Variants in SCAF11 observed in about 807,000 individuals in gnomAD.
SCAF11 encodes the protein protein SCAF11.
Under a neutral mutation model 140.5 loss-of-function variants are expected in SCAF11, and 47 were observed. The observed-to-expected ratio is 0.33, with a 90% CI of 0.26 to 0.43. The LOEUF (loss-of-function observed/expected upper bound fraction) is 0.43. Ranked by LOEUF, SCAF11 falls within the 20% of genes least tolerant of loss-of-function variation. The probability of loss-of-function intolerance (pLI) is 1.00; values close to 1 mark genes in which losing one functional copy is unlikely to be tolerated. For synonymous variants in SCAF11, 557 were observed against 579.4 expected, an observed-to-expected ratio of 0.96 and a Z score of 0.55; for missense variants, 1,645 against 1,705.1, an observed-to-expected ratio of 0.96 and a Z score of 0.62.
At chr12:45,946,525 A>T (rs1027750384) in intron 5 of SCAF11, among the ~76,000 whole-genome samples, 2 of 152,216 alleles carry the variant, frequency 1.3e-5, no homozygotes, top group Admixed American at 6.5e-5. Flanking sequence ...GCAGTTAAAT[A>T]TGGGGACGAC....
intron 1 of SCAF11, among the ~76,000 whole-genome samples, chr12:45,968,084 A>G (rs960575219): frequency 5.3e-5 from 8 of 152,144 alleles, no homozygotes; most frequent in African/African-American, 1.9e-4. Context: ...GATATATCTC[A>G]ATTTTGTGTT....
chr12:45,922,654 T>C, intron 13 of SCAF11, 72 bp from the exon 14 acceptor site: 1 of 1,400,754 alleles, frequency 7.1e-7, no homozygotes, highest in South Asian at 1.4e-5. Context: ...AACAAGAAAT[T>C]GAAAATACTT....
At chr12:45,942,170 T>C (rs959304692) in intron 6 of SCAF11, among the ~76,000 whole-genome samples, 3 of 152,238 alleles carry the variant, frequency 2.0e-5, no homozygotes, top group African/African-American at 4.8e-5. Context: ...AGGAGGCTAT[T>C]AGTAGTCAAG....
chr12:45,983,902 T>C (rs900779081), intron 1 of SCAF11, among the ~76,000 whole-genome samples: 4 of 152,208 alleles, frequency 2.6e-5, no homozygotes, highest in African/African-American at 9.6e-5. Flanking sequence ...TTTAGTCTTA[T>C]CCCTAATAGA....
In SCAF11 at chr12:45,959,717, A is replaced by C. The variant is rs528889000; in HGVS notation, c.219+1983T>G. Among the ~76,000 whole-genome samples, 5 of 152,342 alleles carry C rather than the reference A, an allele frequency of 3.3e-5. No homozygotes were observed. The East Asian group carries it at 9.6e-4, about 29-fold the overall frequency. ...AAGATTCAAACTGAAAACTTAGTCT[A>C]CATGATTTTTTTAGCCAGCATTCAC... is the stretch of plus-strand genomic sequence containing the variant. On this transcript the variant is annotated intron_variant, in intron 3 of 14. Coordinates refer to ENST00000369367, the MANE Select transcript of SCAF11 (RefSeq NM_004719.3).
rs554937736 is a variant in SCAF11 at position 45,939,566 on chromosome 12, C to T, written c.464-5061G>A. ...ATACAAAAGTAGCTGGGCATGGTGG[C>T]GCATGCCTGTAATCCCAGCTACTTG... is the stretch of plus-strand genomic sequence containing the variant. On this transcript the variant is annotated intron_variant, in intron 6 of 14. Transcript: ENST00000369367. Among the ~76,000 whole-genome samples, 70 of 152,144 alleles carry T rather than the reference C, an allele frequency of 4.6e-4. 1 individual carries two copies. The South Asian group carries it at 8.5e-3, about 19-fold the overall frequency.
chr12:45,940,062 C>A (rs886354695), intron 6 of SCAF11, among the ~76,000 whole-genome samples: 2 of 152,174 alleles, frequency 1.3e-5, no homozygotes, highest in African/African-American at 2.4e-5. Flanking sequence ...TTCCAAGTTA[C>A]ACTTACAGGT....
Position 45,924,428 on chromosome 12 carries a change from C to T in SCAF11, c.3906+300G>A, listed in dbSNP as rs570374788. Among the ~76,000 whole-genome samples, 9 of 152,096 alleles carry T rather than the reference C, an allele frequency of 5.9e-5. No homozygotes were observed. In the South Asian group the frequency reaches 8.3e-4, roughly 14 times the overall value. ...GGAAAAATGTAAAGCACCCACCACT[C>T]GATTCTAATTTGGCTTATAATTTGG... is the stretch of plus-strand genomic sequence containing the variant. On this transcript the variant is annotated intron_variant, in intron 12 of 14. Transcript: ENST00000369367.
In SCAF11 at chr12:45,989,271, A is replaced by G. The variant is rs541503665; in HGVS notation, c.-22+1082T>C. On this transcript the variant is annotated intron_variant, in intron 1 of 14. Transcript: ENST00000369367. ...ACGAAAAAATAATGCATTTATTAAT[A>G]TGCTTTTCCCAAAATTCGGGGAAAA... Among the ~76,000 whole-genome samples the G allele has an allele frequency of 9.2e-5, 14 of 152,386 alleles. No homozygotes were observed. The East Asian group carries it at 2.5e-3, about 27-fold the overall frequency.
chr12:45,987,277 C>A (rs1946478828), intron 1 of SCAF11, among the ~76,000 whole-genome samples: 1 of 152,126 alleles, frequency 6.6e-6, no homozygotes. Context: ...AACAAGGACC[C>A]CTGAAATGAA....
At chr12:45,956,006 AATG>A in intron 3 of SCAF11, 1 of 673,004 alleles carries the variant, frequency 1.5e-6, no homozygotes, top group South Asian at 1.6e-5. Flanking sequence ...TAATCTTCCT[AATG>A]ATTTCAGTAA....
intron 3 of SCAF11, chr12:45,953,879 A>G: frequency 9.6e-7 from 1 of 1,038,328 alleles, no homozygotes; most frequent in South Asian, 1.5e-5. Flanking sequence ...TGTGGCATAT[A>G]CTAAATATTA....
chr12:45,951,584 GA>G lies in SCAF11; in HGVS notation c.297+65del, dbSNP rs368845787. On this transcript the variant is annotated intron_variant, in intron 4 of 14. Transcript: ENST00000369367. The stretch of plus-strand genomic sequence containing the variant: ...ACAATTTTCAAATATACACAAACTG[GA>G]AATCAAAGTCAAACAGCTTCAATTA... 48 of 1,043,078 alleles carry G rather than the reference GA, an allele frequency of 4.6e-5. No individual in the cohort carries two copies. The East Asian group carries it at 1.2e-3, about 26-fold the overall frequency. 64.6% of individuals were successfully genotyped at this position (1,043,078 alleles called of 1,614,324 possible).
At chr12:45,951,514 A>C in intron 4 of SCAF11, 136 bp downstream of exon 4, 1 of 520,224 alleles carries the variant, frequency 1.9e-6, no homozygotes, top group Non-Finnish European at 3.4e-6. Context: ...GTATAAATTT[A>C]TCATGCTAAG....
In SCAF11 at chr12:45,927,862, A is replaced by G. The variant is rs749055457; in HGVS notation, c.1839T>C (p.Ser613=). The change falls in exon 11 of 15, where the codon TCT becomes TCC. Residue 613 remains serine (S), a synonymous_variant. Transcript: ENST00000369367. ...EELIESPKLE[S]SEGEIIQTVD... is the part of the protein sequence containing the mutation. ...CTGTCTGTATAATTTCACCCTCAGA[A>G]GATTCTAACTTGGGGCTCTCTATAA... The G allele has an allele frequency of 1.2e-6, 2 of 1,613,838 alleles. No individual in the cohort carries two copies. The highest frequency in any genetic ancestry group is 1.1e-5 in the South Asian group (1 of 91,000).
At chr12:45,954,983 A>G (rs1945650969) in intron 3 of SCAF11, 1 of 151,330 alleles carries the variant, frequency 6.6e-6, no homozygotes, top group South Asian at 2.1e-4. Flanking sequence ...GCCTAGTTTC[A>G]TTTTAAGAAA....
chr12:45,962,129 CTCAT>C (rs1280843493), intron 2 of SCAF11, among the ~76,000 whole-genome samples: 5 of 152,144 alleles, frequency 3.3e-5, no homozygotes, highest in Admixed American at 6.5e-5. Flanking sequence ...GAGCAAATTT[CTCAT>C]TCAAATTTAT....
chr12:45,934,308 G>A, intron 7 of SCAF11, 23 bp from the exon 8 acceptor site: 1 of 1,503,352 alleles, frequency 6.7e-7, no homozygotes, highest in Non-Finnish European at 9.2e-7. Flanking sequence ...AAAGTAGTTA[G>A]TGAAACAGCA....
chr12:45,948,651 G>A (rs1393394142), intron 4 of SCAF11, 114 bp from the exon 5 acceptor site: 3 of 668,150 alleles, frequency 4.5e-6, no homozygotes, highest in South Asian at 3.7e-5. Context: ...ATTAAAAAGT[G>A]TAGTCCAAAT....
Sources: allele counts gnomAD v4.1 joint callset (sites outside exome capture counted in the v4.1 genomes callset), GRCh38; gene constraint gnomAD v4.1.1; transcripts MANE v1.5; gene names NCBI Gene and HGNC (gene_info 2026-07-23, HGNC 2026-07-21).